Variants in PPFIA2 observed in about 807,000 individuals in gnomAD.
PPFIA2 encodes the protein PPFI scaffold protein A2.
Under a neutral mutation model 175.5 loss-of-function variants are expected in PPFIA2, and 46 were observed. That is an observed-to-expected ratio of 0.26 (90% CI 0.21 to 0.34). The LOEUF is 0.34. PPFIA2 is among the 10% of genes least tolerant of loss of function. The pLI, the probability that PPFIA2 is intolerant of heterozygous loss-of-function variation, is 1.00. For missense variants in PPFIA2, 1,179 were observed against 1,506.1 expected, an observed-to-expected ratio of 0.78 and a Z score of 3.60; for synonymous variants, 568 against 511.4, an observed-to-expected ratio of 1.11 and a Z score of -1.49.
At chr12:81,595,141 G>T (rs1301707401) in intron 4 of PPFIA2, among the ~76,000 whole-genome samples, 2 of 151,606 alleles carry the variant, frequency 1.3e-5, no homozygotes, top group Non-Finnish European at 2.9e-5. Flanking sequence ...CAAATAGATG[G>T]TGTTATTTAC....
rs554275850 is a variant in PPFIA2 at position 81,284,227 on chromosome 12, C to T, written c.2988+14G>A. 1.9e-6 allele frequency: 3 copies of T among 1,552,178 alleles called. No individual in the cohort carries two copies. In the Admixed American group the frequency reaches 5.2e-5, roughly 27 times the overall value. ...TCACTTTCCTTCAGGTTCAACAAAG[C>T]CATTAAGACTAACCGTTTTTGCTGG... On this transcript the variant is annotated intron_variant, in intron 25 of 32. Coordinates refer to ENST00000549396, the MANE Select transcript of PPFIA2 (RefSeq NM_003625.5).
intron 4 of PPFIA2, among the ~76,000 whole-genome samples, chr12:81,617,919 G>A (rs182442647): frequency 1.8e-4 from 28 of 152,326 alleles, no homozygotes; most frequent in African/African-American, 6.5e-4. Flanking sequence ...TGTGACAGTG[G>A]GGAAAGGAAA....
intron 3 of PPFIA2, among the ~76,000 whole-genome samples, chr12:81,740,660 A>G (rs561963831): frequency 6.6e-6 from 1 of 152,324 alleles, no homozygotes; most frequent in African/African-American, 2.4e-5. Context: ...ATTTCTCATC[A>G]AAGATTCATA....
At chr12:81,717,483 G>T (rs1312007064) in intron 3 of PPFIA2, among the ~76,000 whole-genome samples, 1 of 151,628 alleles carries the variant, frequency 6.6e-6, no homozygotes, top group Non-Finnish European at 1.5e-5. Context: ...TAAGATGCTT[G>T]CAAGTGAAGA....
At chr12:81,701,145 C>T (rs1322844022) in intron 3 of PPFIA2, among the ~76,000 whole-genome samples, 1 of 152,176 alleles carries the variant, frequency 6.6e-6, no homozygotes, top group Non-Finnish European at 1.5e-5. Context: ...ACTGCATTTT[C>T]TCATCTGTGA....
intron 21 of PPFIA2, among the ~76,000 whole-genome samples, chr12:81,328,818 CTTTTT>C (rs533036607): frequency 7.4e-6 from 1 of 134,656 alleles, no homozygotes; most frequent in Admixed American, 7.7e-5. Context: ...TTCTTTCTTT[CTTTTT>C]TTTTTTTTTT....
intron 3 of PPFIA2, among the ~76,000 whole-genome samples, chr12:81,741,885 G>C (rs989529685): frequency 5.9e-5 from 9 of 152,112 alleles, no homozygotes; most frequent in Non-Finnish European, 1.0e-4. Flanking sequence ...GGTGTATGAG[G>C]AAGAGGGATG....
intron 4 of PPFIA2, among the ~76,000 whole-genome samples, chr12:81,508,776 C>T (rs1362323371): frequency 8.2e-6 from 1 of 122,290 alleles, no homozygotes; most frequent in Non-Finnish European, 1.7e-5. Context: ...CCCCCCACCC[C>T]ACAACAGTCC....
chr12:81,367,015 T>C (rs1281594651), intron 14 of PPFIA2, 93 bp downstream of exon 14: 1 of 1,287,970 alleles, frequency 7.8e-7, no homozygotes, highest in Non-Finnish European at 1.0e-6. Context: ...ATACTAAAAT[T>C]ATTTTTTCAA....
chr12:81,475,450 A>G (rs943259145), intron 4 of PPFIA2, among the ~76,000 whole-genome samples: 1 of 152,148 alleles, frequency 6.6e-6, no homozygotes, highest in Non-Finnish European at 1.5e-5. Context: ...ATTTTATATA[A>G]TGTGTTTTAT....
chr12:81,740,948 T>C (rs1411192728), intron 3 of PPFIA2, among the ~76,000 whole-genome samples: 1 of 151,924 alleles, frequency 6.6e-6, no homozygotes, highest in East Asian at 1.9e-4. Context: ...TAATAAATAG[T>C]GGTAGCAGTA....
chr12:81,687,357 T>C (rs11114980), intron 3 of PPFIA2: 49,250 of 151,938 alleles, frequency 0.32, 8,829 homozygotes, highest in Middle Eastern at 0.49. Flanking sequence ...GTGACAAGTG[T>C]TTTCTTTTAT....
intron 21 of PPFIA2, among the ~76,000 whole-genome samples, chr12:81,331,842 G>A (rs73354635): frequency 0.36 from 54,565 of 151,822 alleles, 10,700 homozygotes; most frequent in East Asian, 0.54. Context: ...ATGCCTGTCA[G>A]TAGCCTCTTC....
intron 21 of PPFIA2, among the ~76,000 whole-genome samples, chr12:81,333,781 T>A (rs1053904126): frequency 6.6e-6 from 1 of 152,160 alleles, no homozygotes; most frequent in Non-Finnish European, 1.5e-5. Flanking sequence ...TTATTAGTAA[T>A]CCATCAATCA....
chr12:81,373,094 T>C (rs188849737), intron 11 of PPFIA2, among the ~76,000 whole-genome samples: 1 of 152,002 alleles, frequency 6.6e-6, no homozygotes, highest in East Asian at 1.9e-4. Context: ...TAAATTGTTT[T>C]TATTCTCAGT....
In PPFIA2 at chr12:81,439,991, A is replaced by T. The variant is rs1439348224; in HGVS notation, c.626T>A (p.Leu209Gln). 1 of 1,607,408 alleles carries T rather than the reference A, an allele frequency of 6.2e-7. No homozygotes were observed. Among genetic ancestry groups the T allele is most frequent in the South Asian group, 1.1e-5 (1 of 89,840 alleles). ...LERVSALEEE[L>Q]AAANQEIVAL... ...GGTTACCTCCTGATTAGCAGCAGCT[A>T]GTTCTTCTTCCAGTGCAGAGACTCT... Residue 209 changes from leucine (L) to glutamine (Q), a missense_variant, in exon 7 of 33, where the codon CTA (leucine) becomes CAA (glutamine). By Grantham distance (113) the Leu-to-Gln change is moderately radical (BLOSUM62 -2). Around this residue, in one of 10 missense-constraint regions of PPFIA2, gnomAD observed 49 missense variants for 108.9 expected, o/e 0.45. Coordinates refer to ENST00000549396, the MANE Select transcript of PPFIA2 (RefSeq NM_003625.5).
intron 4 of PPFIA2, among the ~76,000 whole-genome samples, chr12:81,500,058 A>G (rs2060433740): frequency 6.6e-6 from 1 of 152,136 alleles, no homozygotes; most frequent in Admixed American, 6.6e-5. Context: ...CAAAGCAGGA[A>G]GCCATCTGTT....
At chr12:81,494,393 G>C (rs1489896135) in intron 4 of PPFIA2, among the ~76,000 whole-genome samples, 1 of 152,104 alleles carries the variant, frequency 6.6e-6, no homozygotes, top group Non-Finnish European at 1.5e-5. Flanking sequence ...ACCACAATGA[G>C]ATATCATCTC....
chr12:81,346,917 TA>T lies in PPFIA2; in HGVS notation c.2232+615del, dbSNP rs879867441. Among the ~76,000 whole-genome samples, 544 of 151,480 alleles carry T rather than the reference TA, an allele frequency of 3.6e-3. 1 individual carries two copies. The highest frequency in any genetic ancestry group is 0.012 in the African/African-American group (509 of 41,352). ...TTAATGGTTTAAGTCATTCAATTTT[TA>T]AAAAAAAATTATTTTATTTTATTTT... On this transcript the variant is annotated intron_variant, in intron 18 of 32. Coordinates refer to ENST00000549396, the MANE Select transcript of PPFIA2 (RefSeq NM_003625.5).
Sources: allele counts gnomAD v4.1 joint callset (sites outside exome capture counted in the v4.1 genomes callset), GRCh38; gene constraint gnomAD v4.1.1; regional missense constraint gnomAD v4.1.1; transcripts MANE v1.5; gene names NCBI Gene and HGNC (gene_info 2026-07-23, HGNC 2026-07-21).